The following NAXD variants were observed in gnomAD, a reference collection of about 807,000 sequenced individuals.
NAXD encodes the protein ATP-dependent (S)-NAD(P)H-hydrate dehydratase.
A neutral mutation model predicts 35.8 loss-of-function variants in NAXD; 22 were observed. The observed-to-expected ratio is 0.62, with a 90% confidence interval of 0.44 to 0.88. The LOEUF is 0.88. Ranked by LOEUF, NAXD falls within the 40% of genes least tolerant of loss-of-function variation. The pLI is 0.00. For missense variants in NAXD, 428 were observed against 437.7 expected (o/e 0.98, Z 0.20); for synonymous variants, 189 against 177.6 (o/e 1.06, Z -0.51).
At chr13:110,627,210 C>T (rs533339815) in intron 4 of NAXD, among the ~76,000 whole-genome samples, 1 of 152,180 alleles carries the variant, frequency 6.6e-6, no homozygotes, top group African/African-American at 2.4e-5. Context: ...TGAACTTGGT[C>T]ATGCTGATCC....
rs1886008989 is a variant in NAXD at position 110,615,560 on chromosome 13, G to C, written c.-42G>C. ...AAACGCTTCCAATGGCTGTGTTTCCGGCGACGGCGCGGGGGCAGCTGGGAA... is the reference window on the plus strand; with the variant it reads ...AAACGCTTCCAATGGCTGTGTTTCCCGCGACGGCGCGGGGGCAGCTGGGAA... On this transcript the variant is annotated 5_prime_UTR_variant, in exon 1 of 10. Transcript: ENST00000680254. 6 of 1,336,572 alleles carry C rather than the reference G, an allele frequency of 4.5e-6. No homozygotes were observed. The highest frequency in any genetic ancestry group is 4.8e-6 in the Non-Finnish European group (5 of 1,043,198). 82.8% of individuals were successfully genotyped at this position (1,336,572 alleles called of 1,614,324 possible).
At chr13:110,633,269 C>T (rs1018534589) in intron 5 of NAXD, among the ~76,000 whole-genome samples, 2 of 152,150 alleles carry the variant, frequency 1.3e-5, no homozygotes, top group African/African-American at 4.8e-5. Flanking sequence ...AGCCGCTGGC[C>T]CGGGTGCTAA....
Position 110,634,659 on chromosome 13 carries a change from T to C in NAXD, c.493-13T>C. On this transcript the variant is annotated splice_polypyrimidine_tract_variant and intron_variant, in intron 6 of 9. Coordinates refer to ENST00000680254, the MANE Select transcript of NAXD (RefSeq NM_001242882.2). ...AGGCCTGTGCAGTGAGCACGGCTCC[T>C]TGTTCTGTGCAGGATGGCCTGTGGC... 1 of 1,613,984 alleles carries C rather than the reference T, an allele frequency of 6.2e-7. No homozygotes were observed. Among genetic ancestry groups the C allele is most frequent in the Non-Finnish European group, 8.5e-7 (1 of 1,179,806 alleles).
intron 9 of NAXD, 43 bp downstream of exon 9, chr13:110,637,292 TTTTTCTAAGCTG>T (rs1181461498): frequency 6.2e-7 from 1 of 1,612,170 alleles, no homozygotes; most frequent in Admixed American, 1.7e-5. Context: ...AACCGTCTGA[TTTTTCTAAGCTG>T]TTTCAGTAGC....
chr13:110,621,345 G>C (rs1886255475), intron 1 of NAXD, among the ~76,000 whole-genome samples: 1 of 152,166 alleles, frequency 6.6e-6, no homozygotes, highest in African/African-American at 2.4e-5. Context: ...AAACTTTCTG[G>C]AAAATTAAAT....
rs1212967870 is a variant in NAXD at position 110,639,844 on chromosome 13, A to G, written c.*1316A>G. On this transcript the variant is annotated 3_prime_UTR_variant, in exon 10 of 10. Coordinates refer to ENST00000680254, the MANE Select transcript of NAXD (RefSeq NM_001242882.2). ...ACTAGGGACTTTCAAGATTAAAAAA[A>G]AGATTGTCACTACTAATTTGACGCC... The G allele has an allele frequency of 6.6e-6, 1 of 152,224 alleles. No individual in the cohort carries two copies. Among genetic ancestry groups the G allele is most frequent in the Non-Finnish European group, 1.5e-5 (1 of 68,034 alleles). The allele number at this position is 152,224 out of a possible 1,614,324, so 9.4% of individuals were successfully genotyped here. A position where few individuals can be genotyped will look rare whatever the true frequency, so the allele number is the denominator to read the frequency against.
intron 4 of NAXD, among the ~76,000 whole-genome samples, chr13:110,625,812 C>T (rs550146084): frequency 6.6e-6 from 1 of 152,330 alleles, no homozygotes; most frequent in African/African-American, 2.4e-5. Context: ...GGGAGCAGAG[C>T]GTTTGCTCTT....
chr13:110,624,931 G>A (rs1886406565), intron 3 of NAXD, among the ~76,000 whole-genome samples: 1 of 152,246 alleles, frequency 6.6e-6, no homozygotes, highest in Admixed American at 6.5e-5. Flanking sequence ...CTCCTGGAGG[G>A]TGACCAGACC....
At position 110,639,689 on chromosome 13, in the gene NAXD, T is replaced by C. The variant is rs1235955766; in HGVS notation, c.*1161T>C. 1 of 152,220 alleles carries C rather than the reference T, an allele frequency of 6.6e-6. No individual in the cohort carries two copies. The highest frequency in any genetic ancestry group is 1.5e-5 in the Non-Finnish European group (1 of 68,046). The allele number at this position is 152,220 out of a possible 1,614,324, so 9.4% of individuals were successfully genotyped here. On this transcript the variant is annotated 3_prime_UTR_variant, in exon 10 of 10. Transcript: ENST00000680254. ...TGCATTAGGGTGTTCTCTTATACTT[T>C]CAGTAGCATCTTTCCACAGCAAGGG...
chr13:110,636,836 C>T (rs998365406), intron 8 of NAXD, among the ~76,000 whole-genome samples: 2 of 152,192 alleles, frequency 1.3e-5, no homozygotes, highest in African/African-American at 4.8e-5. Flanking sequence ...TGCTTGGGCT[C>T]GTCTGAGGCG....
At chr13:110,637,873 A>G (rs9588214) in intron 9 of NAXD, 70,456 of 480,212 alleles carry the variant, frequency 0.15, 6,412 homozygotes, top group Admixed American at 0.34. Context: ...GTCTGGGACC[A>G]TCCCCCAAAC....
At chr13:110,630,889 C>T (rs953928295) in intron 5 of NAXD, among the ~76,000 whole-genome samples, 5 of 152,170 alleles carry the variant, frequency 3.3e-5, no homozygotes, top group African/African-American at 7.2e-5. Flanking sequence ...TGCAACTGCC[C>T]GGTCTTGACT....
intron 5 of NAXD, among the ~76,000 whole-genome samples, chr13:110,632,268 G>T (rs541426222): frequency 6.6e-6 from 1 of 152,018 alleles, no homozygotes; most frequent in African/African-American, 2.4e-5. Context: ...TCGTGGTCTC[G>T]CTGGCTTCAG....
chr13:110,635,693 C>T (rs1346367729), intron 8 of NAXD, 105 bp downstream of exon 8: 4 of 1,255,956 alleles, frequency 3.2e-6, no homozygotes, highest in South Asian at 2.7e-5. Context: ...CCCGTGTTCA[C>T]ACACATTCAC....
intron 2 of NAXD, 118 bp downstream of exon 2, chr13:110,622,484 A>T (rs762575394): frequency 9.2e-5 from 90 of 979,056 alleles, no homozygotes; most frequent in Non-Finnish European, 1.2e-4. Flanking sequence ...ATGCAGCCTG[A>T]TAGGACACTC....
At chr13:110,622,435 A>G in intron 2 of NAXD, 69 bp downstream of exon 2, 2 of 1,508,994 alleles carry the variant, frequency 1.3e-6, no homozygotes, top group Non-Finnish European at 1.8e-6. Context: ...CCTGACTGTC[A>G]TTCACGCTGT....
At chr13:110,616,083 G>A (rs546601190) in intron 1 of NAXD, 1 of 343,048 alleles carries the variant, frequency 2.9e-6, no homozygotes, top group Non-Finnish European at 5.2e-6. Flanking sequence ...GGGGCGCCGT[G>A]GTGCGCTGGT....
intron 9 of NAXD, chr13:110,637,835 C>T (rs1000180917): frequency 6.4e-6 from 3 of 469,232 alleles, no homozygotes; most frequent in African/African-American, 5.9e-5. Flanking sequence ...CCAGTGGCCT[C>T]ATGTGTCCTC....
intron 9 of NAXD, chr13:110,637,748 G>T: frequency 2.2e-6 from 1 of 461,414 alleles, no homozygotes; most frequent in Non-Finnish European, 4.3e-6. Flanking sequence ...TTTCTCTTCT[G>T]TGAGCCCATC....
Sources: allele counts gnomAD v4.1 joint callset (sites outside exome capture counted in the v4.1 genomes callset), GRCh38; gene constraint gnomAD v4.1.1; transcripts MANE v1.5; gene names NCBI Gene and HGNC (gene_info 2026-07-23, HGNC 2026-07-21).